The following VTA1 variants were observed in gnomAD, a reference collection of about 807,000 sequenced individuals.
The protein encoded by VTA1 is vacuolar protein sorting-associated protein VTA1 homolog.
Under a neutral mutation model 36.9 loss-of-function variants are expected in VTA1, and 24 were observed. The observed-to-expected ratio is 0.65, with a 90% confidence interval of 0.47 to 0.91. VTA1 has a LOEUF of 0.91. Ranked by LOEUF, VTA1 falls within the 40% of genes least tolerant of loss-of-function variation. The pLI is 0.00. For missense variants in VTA1, 393 were observed against 377.2 expected, an observed-to-expected ratio of 1.04 and a Z score of -0.35; for synonymous variants, 142 against 130.2, an observed-to-expected ratio of 1.09 and a Z score of -0.62.
intron 1 of VTA1, among the ~76,000 whole-genome samples, chr6:142,158,420 A>C (rs1215371340): frequency 6.6e-6 from 1 of 152,002 alleles, no homozygotes; most frequent in African/African-American, 2.4e-5. Context: ...AACTTCACAA[A>C]ATTTTTTGGT....
chr6:142,149,721 A>G (rs1778530568), intron 1 of VTA1, among the ~76,000 whole-genome samples: 1 of 152,186 alleles, frequency 6.6e-6, no homozygotes, highest in Non-Finnish European at 1.5e-5. Flanking sequence ...CAATCATTGT[A>G]TGAATCTCTT....
In VTA1 at chr6:142,166,225, T is replaced by C. The variant is rs1449958144; in HGVS notation, c.113-3T>C. 3.1e-6 allele frequency: 5 copies of C among 1,592,480 alleles called. No homozygotes were observed. Among genetic ancestry groups the C allele is most frequent in the South Asian group, 2.3e-5 (2 of 86,394 alleles). ...GTTCAAATTATCTTACTTTTCTTTC[T>C]AGGTCGTTTATACGCAATGCAGACT... On this transcript the variant is annotated splice_region_variant and splice_polypyrimidine_tract_variant and intron_variant, in intron 1 of 7. Transcript: ENST00000367630.
intron 7 of VTA1, 30 bp downstream of exon 7, chr6:142,204,095 A>G (rs371535944): frequency 3.6e-5 from 58 of 1,591,918 alleles, no homozygotes; most frequent in East Asian, 2.0e-4. Flanking sequence ...TGTGAGATAC[A>G]TTTATCTCCT....
At position 142,198,593 on chromosome 6, in the gene VTA1, A is replaced by G; in HGVS notation, c.675A>G (p.Pro225=). 2 of 1,612,514 alleles carry G rather than the reference A, an allele frequency of 1.2e-6. No homozygotes were observed. The highest frequency in any genetic ancestry group is 1.7e-6 in the Non-Finnish European group (2 of 1,179,052). The change falls in exon 6 of 8, where the codon CCA becomes CCG. Residue 225 remains proline (P), a synonymous_variant. Transcript: ENST00000367630. ...PPGAHAPANT[P]AEVPHSTGVA... ...GTGCACACGCTCCAGCTAATACACC[A>G]GCAGAAGTGCCTCACAGCACAGGTG...
intron 3 of VTA1, 145 bp from the exon 4 acceptor site, chr6:142,170,201 A>G (rs1775001552): frequency 3.2e-6 from 2 of 619,974 alleles, no homozygotes; most frequent in African/African-American, 3.8e-5. Context: ...CATTTTTGTT[A>G]TTTTCTTGAA....
chr6:142,189,634 A>G lies in VTA1; in HGVS notation c.520+100A>G, dbSNP rs1022212259. On this transcript the variant is annotated intron_variant, in intron 5 of 7. Transcript: ENST00000367630. Reference sequence around the variant, plus strand: ...GAGGGAACAATACAGTTTTGTTTTCATCAGGCCCAGAATCAATGAAAGTTA... The same window carrying G: ...GAGGGAACAATACAGTTTTGTTTTCGTCAGGCCCAGAATCAATGAAAGTTA... The G allele has an allele frequency of 6.1e-6, 5 of 823,456 alleles. No individual in the cohort carries two copies. In the African/African-American group the frequency reaches 7.0e-5, roughly 12 times the overall value. The allele number at this position is 823,456 out of a possible 1,614,324, so 51.0% of individuals were successfully genotyped here.
In VTA1 at chr6:142,192,990, A is replaced by G. The variant is rs868813020; in HGVS notation, c.520+3456A>G. Among the ~76,000 whole-genome samples, 7 of 152,060 alleles carry G rather than the reference A, an allele frequency of 4.6e-5. No individual in the cohort carries two copies. In the South Asian group the frequency reaches 8.3e-4, roughly 18 times the overall value. ...TTATTTAGTGTATCATCTGATTTCC[A>G]TCTGTATTCAGATTTTAGCAGTTGA... On this transcript the variant is annotated intron_variant, in intron 5 of 7. Coordinates refer to ENST00000367630, the MANE Select transcript of VTA1 (RefSeq NM_016485.5).
chr6:142,152,742 G>T (rs367927881), intron 1 of VTA1, among the ~76,000 whole-genome samples: 1 of 152,030 alleles, frequency 6.6e-6, no homozygotes, highest in East Asian at 1.9e-4. Context: ...ATGAAAAGGT[G>T]TAGACATCAA....
intron 4 of VTA1, among the ~76,000 whole-genome samples, chr6:142,185,375 G>A (rs954662830): frequency 2.8e-4 from 42 of 149,562 alleles, no homozygotes; most frequent in Non-Finnish European, 6.0e-4. Context: ...AAAGTATGTT[G>A]AGGTTAACTA....
At chr6:142,152,922 G>A (rs973986643) in intron 1 of VTA1, among the ~76,000 whole-genome samples, 22 of 152,054 alleles carry the variant, frequency 1.4e-4, no homozygotes, top group African/African-American at 5.3e-4. Flanking sequence ...CCTCTGCCAG[G>A]AATCCTTCTG....
At chr6:142,199,545 TTTTA>T (rs202246053) in intron 6 of VTA1, among the ~76,000 whole-genome samples, 3,899 of 152,278 alleles carry the variant, frequency 0.026, 66 homozygotes, top group Non-Finnish European at 0.042. Context: ...ACTACTTTAC[TTTTA>T]TTTGTCAGCC....
intron 7 of VTA1, among the ~76,000 whole-genome samples, chr6:142,213,304 A>ACT (rs1292588630): frequency 6.6e-6 from 1 of 152,214 alleles, no homozygotes; most frequent in South Asian, 2.1e-4. Flanking sequence ...CTTCCAGGTC[A>ACT]TGCCAATGCA....
At chr6:142,184,795 A>G (rs750803936) in intron 4 of VTA1, among the ~76,000 whole-genome samples, 21 of 152,180 alleles carry the variant, frequency 1.4e-4, no homozygotes, top group Non-Finnish European at 2.4e-4. Context: ...TAATGTCTCA[A>G]AGCCTTAGTG....
chr6:142,154,519 T>C (rs1385519725), intron 1 of VTA1, among the ~76,000 whole-genome samples: 2 of 152,124 alleles, frequency 1.3e-5, no homozygotes, highest in South Asian at 2.1e-4. Context: ...GGTAATTGCA[T>C]GTTTAGTTTT....
At chr6:142,191,142 A>G (rs969059980) in intron 5 of VTA1, among the ~76,000 whole-genome samples, 5 of 152,106 alleles carry the variant, frequency 3.3e-5, no homozygotes, top group African/African-American at 1.2e-4. Flanking sequence ...CCTTTTTGGT[A>G]TCAATGTTAT....
At position 142,222,687 on chromosome 6, in the gene VTA1, G is replaced by A. The variant is rs1776134017; in HGVS notation, c.*4044G>A. 3.9e-5 allele frequency: 2 copies of A among 51,642 alleles called. No homozygotes were observed. Among genetic ancestry groups the A allele is most frequent in the Non-Finnish European group, 6.0e-5 (1 of 16,706 alleles). 3.2% of individuals were successfully genotyped at this position (51,642 alleles called of 1,614,324 possible). A position where few individuals can be genotyped will look rare whatever the true frequency, so the allele number is the denominator to read the frequency against. ...TTTCATATGAGAAGTATCCTTCCCT[G>A]GTTGGTTGTAATCTTTGAAGTCTAT... is the stretch of plus-strand genomic sequence containing the variant. On this transcript the variant is annotated 3_prime_UTR_variant, in exon 8 of 8. Transcript: ENST00000367630.
intron 1 of VTA1, among the ~76,000 whole-genome samples, chr6:142,151,550 G>T (rs899648509): frequency 6.6e-6 from 1 of 152,126 alleles, no homozygotes; most frequent in African/African-American, 2.4e-5. Flanking sequence ...AATAAAATGG[G>T]GACATGAGTT....
chr6:142,189,818 G>T (rs976273591), intron 5 of VTA1, among the ~76,000 whole-genome samples: 14 of 151,708 alleles, frequency 9.2e-5, no homozygotes, highest in African/African-American at 3.4e-4. Context: ...GTGCAGTGGC[G>T]CAGTCTCTGC....
chr6:142,212,924 C>T (rs1369209969), intron 7 of VTA1, among the ~76,000 whole-genome samples: 1 of 152,210 alleles, frequency 6.6e-6, no homozygotes, highest in Non-Finnish European at 1.5e-5. Flanking sequence ...GGCAGGGACA[C>T]AAGTCCAAAT....
Sources: gnomAD v4.1 joint callset for allele counts (sites outside exome capture counted in the v4.1 genomes callset) on GRCh38, gnomAD v4.1.1 for gene constraint, MANE v1.5 for transcripts, NCBI Gene and HGNC (gene_info 2026-07-23, HGNC 2026-07-21) for gene names.